Variants in ICE1 observed in about 807,000 individuals in gnomAD.
ICE1 encodes the protein little elongation complex subunit 1.
A neutral mutation model predicts 192.7 loss-of-function variants in ICE1; 64 were observed. The observed-to-expected ratio is 0.33, with a 90% CI of 0.27 to 0.41. The LOEUF (loss-of-function observed/expected upper bound fraction) is 0.41. Among genes scored for constraint, ICE1 ranks in the 10% least tolerant of loss-of-function variants. The pLI is 1.00. For synonymous variants in ICE1, 1,010 were observed against 984.5 expected, an observed-to-expected ratio of 1.03 and a Z score of -0.49; for missense variants, 2,708 against 2,696.0, an observed-to-expected ratio of 1.00 and a Z score of -0.10.
At chr5:5,439,727 ACTT>A (rs1737983293) in intron 3 of ICE1, among the ~76,000 whole-genome samples, 165 bp from the exon 4 acceptor site, 1 of 152,214 alleles carries the variant, frequency 6.6e-6, no homozygotes, top group African/African-American at 2.4e-5. Flanking sequence ...CAGTAAAAAG[ACTT>A]ACCACTGTGT....
chr5:5,443,371 G>A (rs369213151), intron 6 of ICE1, 127 bp downstream of exon 6: 11 of 543,628 alleles, frequency 2.0e-5, no homozygotes, highest in African/African-American at 1.2e-4. Context: ...GCATGGTCTT[G>A]AACTAGTTAG....
chr5:5,489,317 A>G lies in ICE1; in HGVS notation c.6788A>G (p.Glu2263Gly). ...GAGGAAGTCAGTGCCCTGAGCACAG[A>G]GGAGCTTGGCTGACCTGGGATGCCA... ...CLEEVSALST[E>G]ELG Residue 2263 changes from glutamate (E) to glycine (G), a missense_variant, in exon 19 of 19, where the codon GAG becomes GGG. Physicochemically the swap from Glu to Gly is moderately conservative, Grantham distance 98. This residue lies in a region of ICE1 where 342 missense variants were observed against 419.3 expected (regional missense o/e 0.82). Coordinates refer to ENST00000296564, the MANE Select transcript of ICE1 (RefSeq NM_015325.3). The G allele has an allele frequency of 6.2e-7, 1 of 1,609,856 alleles. No homozygotes were observed. Among genetic ancestry groups the G allele is most frequent in the Middle Eastern group, 1.7e-4 (1 of 6,042 alleles).
intron 6 of ICE1, 53 bp downstream of exon 6, chr5:5,443,297 G>A (rs901019846): frequency 3.5e-5 from 34 of 973,672 alleles, no homozygotes; most frequent in South Asian, 2.7e-4. Context: ...TTGAAAATAC[G>A]TAATTCTTAA....
At chr5:5,472,589 T>C (rs1739191669) in intron 15 of ICE1, among the ~76,000 whole-genome samples, 1 of 152,194 alleles carries the variant, frequency 6.6e-6, no homozygotes, top group African/African-American at 2.4e-5. Context: ...GTTTTGGTTA[T>C]CAGGTGTATT....
At position 5,462,176 on chromosome 5, in the gene ICE1, A is replaced by C; in HGVS notation, c.2842A>C (p.Asn948His). Residue 948 changes from asparagine (N) to histidine (H), a missense_variant, in exon 13 of 19, where the codon AAT (asparagine) becomes CAT (histidine). Physicochemically the swap from Asn to His is moderately conservative, Grantham distance 68. Coordinates refer to ENST00000296564, the MANE Select transcript of ICE1 (RefSeq NM_015325.3). ...NSPGGSSPVE[N>H]SDCSTNSRLS... Reference sequence around the variant, plus strand: ...TCCAGGTGGTTCTTCACCAGTAGAAAATTCTGATTGTTCCACAAATAGCAG... The same window carrying C: ...TCCAGGTGGTTCTTCACCAGTAGAACATTCTGATTGTTCCACAAATAGCAG... 3 of 1,612,956 alleles carry C rather than the reference A, an allele frequency of 1.9e-6. No individual in the cohort carries two copies. Among genetic ancestry groups the C allele is most frequent in the Non-Finnish European group, 2.5e-6 (3 of 1,179,262 alleles).
At chr5:5,439,868 C>A (rs763187124) in intron 3 of ICE1, 27 bp from the exon 4 acceptor site, 1 of 1,504,908 alleles carries the variant, frequency 6.6e-7, no homozygotes, top group Non-Finnish European at 8.9e-7. Context: ...AGATAAAATT[C>A]TCAGAGTTTT....
intron 1 of ICE1, among the ~76,000 whole-genome samples, chr5:5,435,359 C>G (rs1403499728): frequency 6.6e-6 from 1 of 152,104 alleles, no homozygotes; most frequent in East Asian, 1.9e-4. Flanking sequence ...CTGTAACTAT[C>G]AAAATCATTT....
At chr5:5,469,775 G>A (rs1579572509) in intron 15 of ICE1, among the ~76,000 whole-genome samples, 1 of 152,094 alleles carries the variant, frequency 6.6e-6, no homozygotes, top group Non-Finnish European at 1.5e-5. Context: ...GTGGTCAAAA[G>A]TTAGGTAAAT....
intron 13 of ICE1, among the ~76,000 whole-genome samples, chr5:5,465,680 A>G (rs921058575): frequency 6.6e-6 from 1 of 152,148 alleles, no homozygotes; most frequent in Non-Finnish European, 1.5e-5. Flanking sequence ...ATAGTTCTAT[A>G]TTTTCTAAAT....
rs73736659 is a variant in ICE1 at position 5,474,456 on chromosome 5, A to T, written c.6413+708A>T. Among the ~76,000 whole-genome samples, 314 of 152,342 alleles carry T rather than the reference A, an allele frequency of 2.1e-3. 1 individual carries two copies. The highest frequency in any genetic ancestry group is 7.2e-3 in the African/African-American group (298 of 41,584). ...ATGTTGAATGAAATTAATTATCATTATCGTAACATACAGATACTCACAAAA... is the reference window on the plus strand; with the variant it reads ...ATGTTGAATGAAATTAATTATCATTTTCGTAACATACAGATACTCACAAAA... On this transcript the variant is annotated intron_variant, in intron 16 of 18. Coordinates refer to ENST00000296564, the MANE Select transcript of ICE1 (RefSeq NM_015325.3).
chr5:5,464,204 A>G lies in ICE1; in HGVS notation c.4870A>G (p.Ile1624Val). The change falls in exon 13 of 19, where the codon ATA (isoleucine) becomes GTA (valine). Residue 1624 changes from isoleucine to valine, a missense_variant. By Grantham distance (29) the Ile-to-Val change is conservative. Around this residue, in one of 2 missense-constraint regions of ICE1, gnomAD observed 2,366 missense variants for 2,276.6 expected, o/e 1.04. Transcript: ENST00000296564. This position sits in a 1 kb window ranked among gnomAD's most constrained non-coding sequence, Gnocchi z 4.0. ...TDCSPDTLSKIRQEVGPPLPP... is the reference protein window; with the variant it reads ...TDCSPDTLSKVRQEVGPPLPP... ...TTGTTCTCCTGACACACTGAGTAAA[A>G]TACGGCAAGAGGTGGGGCCTCCTTT... 5 of 1,613,658 alleles carry G rather than the reference A, an allele frequency of 3.1e-6. No homozygotes were observed. Among genetic ancestry groups the G allele is most frequent in the Non-Finnish European group, 4.2e-6 (5 of 1,179,856 alleles).
chr5:5,425,652 G>A (rs547898732), intron 1 of ICE1, among the ~76,000 whole-genome samples: 1 of 152,304 alleles, frequency 6.6e-6, no homozygotes, highest in African/African-American at 2.4e-5. Context: ...ACCTTGAATG[G>A]TAACCATCAT....
intron 6 of ICE1, among the ~76,000 whole-genome samples, chr5:5,443,855 A>G (rs1480793249): frequency 6.6e-6 from 1 of 152,248 alleles, no homozygotes; most frequent in African/African-American, 2.4e-5. Context: ...TCAGAAATCC[A>G]TCTTAAAGCA....
At chr5:5,487,593 T>C (rs1482896505) in intron 18 of ICE1, among the ~76,000 whole-genome samples, 3 of 152,234 alleles carry the variant, frequency 2.0e-5, no homozygotes. Flanking sequence ...ATACCTTCTT[T>C]AACTTTAGGA....
chr5:5,467,911 C>T (rs149565412), intron 14 of ICE1, among the ~76,000 whole-genome samples: 99 of 152,336 alleles, frequency 6.5e-4, no homozygotes, highest in African/African-American at 2.1e-3. Context: ...CACTCAGGCA[C>T]TTACGCAGCA....
chr5:5,434,186 T>C (rs2111337547), intron 1 of ICE1, among the ~76,000 whole-genome samples: 1 of 152,320 alleles, frequency 6.6e-6, no homozygotes, highest in East Asian at 1.9e-4. Flanking sequence ...GTGTAGAAGT[T>C]TCATAACATG....
In ICE1 at chr5:5,457,385, C is replaced by T. The variant is rs765614814; in HGVS notation, c.745C>T (p.Leu249=). ...SSRVPGEDGT[L]PPTQGSPLRT... is the part of the protein sequence containing the mutation. ...CAGAGTGCCTGGGGAAGATGGTACG[C>T]TACCTCCAACACAGGGCAGCCCTCT... Residue 249 remains leucine (L), a synonymous_variant, in exon 12 of 19, where the codon CTA becomes TTA. Transcript: ENST00000296564. The T allele has an allele frequency of 7.4e-6, 12 of 1,613,552 alleles. No homozygotes were observed. The highest frequency in any genetic ancestry group is 1.0e-5 in the Non-Finnish European group (12 of 1,179,704).
At chr5:5,478,216 G>A (rs533170385) in intron 17 of ICE1, among the ~76,000 whole-genome samples, 77 of 152,300 alleles carry the variant, frequency 5.1e-4, no homozygotes, top group African/African-American at 1.7e-3. Flanking sequence ...AAACCCCATC[G>A]TCTCAGCCCA....
At chr5:5,469,211 G>A (rs1739083320) in intron 15 of ICE1, among the ~76,000 whole-genome samples, 1 of 152,170 alleles carries the variant, frequency 6.6e-6, no homozygotes, top group Admixed American at 6.6e-5. Flanking sequence ...TTAATTAACA[G>A]TTTGTGTTAT....
Sources: allele counts gnomAD v4.1 joint callset (sites outside exome capture counted in the v4.1 genomes callset), GRCh38; gene constraint gnomAD v4.1.1; regional missense constraint gnomAD v4.1.1; non-coding constraint Gnocchi (gnomAD v3.1); transcripts MANE v1.5; gene names NCBI Gene and HGNC (gene_info 2026-07-23, HGNC 2026-07-21).